THADA: variants seen among roughly 807,000 people sequenced by gnomAD.
THADA encodes the protein THADA armadillo repeat containing, also known as tRNA (32-2'-O)-methyltransferase regulator THADA.
A neutral mutation model predicts 219.8 loss-of-function variants in THADA; 213 were observed. That is an observed-to-expected ratio of 0.97 (90% CI 0.87 to 1.09). The LOEUF is 1.09. THADA is among the 50% of genes least tolerant of loss of function. THADA has a pLI of 0.00. For synonymous variants in THADA, 1,018 were observed against 828.9 expected (o/e 1.23, Z -3.92); for missense variants, 2,956 against 2,311.3 (o/e 1.28, Z -5.72).
intron 10 of THADA, among the ~76,000 whole-genome samples, chr2:43,575,667 G>C (rs976672303): frequency 2.0e-5 from 3 of 152,128 alleles, no homozygotes; most frequent in Non-Finnish European, 4.4e-5. Context: ...CGCCTCAGTA[G>C]CTGGGATTAC....
Position 43,560,279 on chromosome 2 carries a change from T to C in THADA, c.2418A>G (p.Ala806=). 2 of 1,612,550 alleles carry C rather than the reference T, an allele frequency of 1.2e-6. No individual in the cohort carries two copies. The highest frequency in any genetic ancestry group is 1.7e-6 in the Non-Finnish European group (2 of 1,179,310). Residue 806 remains alanine (A), a synonymous_variant, in exon 16 of 38, where the codon GCA becomes GCG. Coordinates refer to ENST00000405975, the MANE Select transcript of THADA (RefSeq NM_022065.5). ...TTGATAACTTCATCAGAAGATCAAA[T>C]GCTAAAATTTTCACGTCTTCAAAAG... is the stretch of plus-strand genomic sequence containing the variant. ...TSTFEDVKIL[A]FDLLMKLSKT... is the part of the protein sequence containing the mutation.
intron 36 of THADA, among the ~76,000 whole-genome samples, chr2:43,238,351 C>T (rs1157203984): frequency 3.3e-5 from 5 of 152,056 alleles, no homozygotes; most frequent in Non-Finnish European, 5.9e-5. Flanking sequence ...ACTCTTAATA[C>T]TCTTAATAAA....
intron 31 of THADA, among the ~76,000 whole-genome samples, chr2:43,312,503 G>A (rs913906179): frequency 2.0e-5 from 3 of 152,086 alleles, no homozygotes; most frequent in East Asian, 3.9e-4. Context: ...TGTACTCAGC[G>A]CAAGGTTTGG....
chr2:43,468,992 G>T (rs563535140), intron 26 of THADA, among the ~76,000 whole-genome samples: 1 of 152,248 alleles, frequency 6.6e-6, no homozygotes, highest in Admixed American at 6.5e-5. Flanking sequence ...CAACATCATT[G>T]CCTACCTACT....
chr2:43,352,854 G>A (rs1224200644), intron 29 of THADA, among the ~76,000 whole-genome samples: 1 of 152,108 alleles, frequency 6.6e-6, no homozygotes, highest in Non-Finnish European at 1.5e-5. Flanking sequence ...CCGCGTAATT[G>A]CTACTTTGTA....
At chr2:43,247,864 G>A (rs1324831253) in intron 36 of THADA, among the ~76,000 whole-genome samples, 15 of 150,804 alleles carry the variant, frequency 9.9e-5, no homozygotes, top group African/African-American at 3.6e-4. Context: ...GCAACATAGT[G>A]AGAACCTGTG....
At chr2:43,559,753 G>A (rs1000565670) in intron 16 of THADA, among the ~76,000 whole-genome samples, 5 of 152,152 alleles carry the variant, frequency 3.3e-5, no homozygotes, top group Admixed American at 6.5e-5. Context: ...TCAAGTACTC[G>A]GTAAGTTTCA....
intron 36 of THADA, among the ~76,000 whole-genome samples, chr2:43,273,401 G>A (rs1409762030): frequency 6.6e-6 from 1 of 152,090 alleles, no homozygotes; most frequent in East Asian, 1.9e-4. Context: ...ACTTTTTTGG[G>A]TCATTCTTCT....
intron 36 of THADA, among the ~76,000 whole-genome samples, chr2:43,242,976 A>G (rs1668768663): frequency 6.6e-6 from 1 of 152,188 alleles, no homozygotes; most frequent in Non-Finnish European, 1.5e-5. Context: ...CCGGGCTTCT[A>G]GCTGACTTCT....
chr2:43,566,597 G>A (rs1262594670), intron 15 of THADA, 101 bp downstream of exon 15: 13 of 1,283,604 alleles, frequency 1.0e-5, no homozygotes, highest in Non-Finnish European at 1.5e-5. Context: ...AAACCTCAAA[G>A]AAAGGCAACA....
At chr2:43,566,572 T>G (rs1698707770) in intron 15 of THADA, 126 bp downstream of exon 15, 1 of 1,027,226 alleles carries the variant, frequency 9.7e-7, no homozygotes, top group Non-Finnish European at 1.5e-6. Flanking sequence ...AAGCAAGAAT[T>G]ATAAGGTAAG....
intron 2 of THADA, 40 bp from the exon 3 acceptor site, chr2:43,592,086 CAGTG>C: frequency 6.8e-7 from 1 of 1,463,188 alleles, no homozygotes; most frequent in Non-Finnish European, 9.2e-7. Flanking sequence ...AATGATTTAA[CAGTG>C]AGTTAACTTT....
At chr2:43,358,661 T>C (rs1373317480) in intron 29 of THADA, among the ~76,000 whole-genome samples, 7 of 152,186 alleles carry the variant, frequency 4.6e-5, no homozygotes, top group Admixed American at 2.0e-4. Context: ...ACCCAGCATC[T>C]GGTAATGCAC....
At position 43,478,794 on chromosome 2, in the gene THADA, T is replaced by C. The variant is rs554100927; in HGVS notation, c.3836+6440A>G. Among the ~76,000 whole-genome samples, 20 of 152,338 alleles carry C rather than the reference T, an allele frequency of 1.3e-4. No homozygotes were observed. In the South Asian group the frequency reaches 4.1e-3, roughly 32 times the overall value. On this transcript the variant is annotated intron_variant, in intron 26 of 37. Transcript: ENST00000405975. ...CTTCAAGTTCATGAAAACATTTCTT[T>C]TGAAGAACTTCTTTTCAGTTAAAAA...
intron 26 of THADA, among the ~76,000 whole-genome samples, chr2:43,453,520 T>C (rs1682617151): frequency 6.6e-6 from 1 of 152,188 alleles, no homozygotes; most frequent in Admixed American, 6.5e-5. Context: ...AACTCTAACC[T>C]CTGGCTCCTG....
intron 29 of THADA, among the ~76,000 whole-genome samples, chr2:43,371,228 T>G (rs1670763113): frequency 6.6e-6 from 1 of 152,224 alleles, no homozygotes; most frequent in African/African-American, 2.4e-5. Flanking sequence ...CTATGAAGTA[T>G]ATAATTCCTT....
intron 34 of THADA, among the ~76,000 whole-genome samples, chr2:43,290,560 G>C (rs141867031): frequency 2.0e-5 from 3 of 152,006 alleles, no homozygotes; most frequent in African/African-American, 4.8e-5. Flanking sequence ...GGGTTCCCAC[G>C]GCCCTGGCAC....
chr2:43,468,932 G>C (rs930068572), intron 26 of THADA, among the ~76,000 whole-genome samples: 1 of 152,172 alleles, frequency 6.6e-6, no homozygotes, highest in East Asian at 1.9e-4. Context: ...CTCAAAGTCA[G>C]AGCCAAAAGT....
At chr2:43,529,074 T>C (rs1693541414) in intron 21 of THADA, among the ~76,000 whole-genome samples, 1 of 152,120 alleles carries the variant, frequency 6.6e-6, no homozygotes, top group African/African-American at 2.4e-5. Context: ...ACCATGGAAT[T>C]TGCCAGAATG....
Sources: gnomAD v4.1 joint callset for allele counts (sites outside exome capture counted in the v4.1 genomes callset) on GRCh38, gnomAD v4.1.1 for gene constraint, MANE v1.5 for transcripts, NCBI Gene and HGNC (gene_info 2026-07-23, HGNC 2026-07-21) for gene names.